The following SPOP variants were observed in gnomAD, a reference collection of about 807,000 sequenced individuals.
The protein encoded by SPOP is speckle type BTB/POZ protein, also known as speckle-type POZ protein.
Under a neutral mutation model 45.6 loss-of-function variants are expected in SPOP, and 11 were observed. The ratio of observed to expected loss-of-function variants is 0.24; its 90% confidence interval spans 0.15 to 0.40. SPOP has a LOEUF of 0.40. SPOP is among the 10% of genes least tolerant of loss of function. The pLI is 1.00. For missense variants in SPOP, 152 were observed against 465.6 expected, an observed-to-expected ratio of 0.33 and a Z score of 6.20; for synonymous variants, 166 against 166.3, an observed-to-expected ratio of 1.00 and a Z score of 0.01.
At chr17:49,601,711 A>C in intron 9 of SPOP, 154 bp downstream of exon 9, 1 of 927,230 alleles carries the variant, frequency 1.1e-6, no homozygotes, top group Non-Finnish European at 1.6e-6. Context: ...AGTCAATTCC[A>C]TACGGTCAAC....
intron 1 of SPOP, 137 bp downstream of exon 1, chr17:49,677,796 G>A: frequency 2.6e-6 from 1 of 388,552 alleles, no homozygotes. Context: ...TCCGGGTGTA[G>A]GAAATGGGAC....
chr17:49,600,095 G>C lies in SPOP; in HGVS notation c.*283C>G. The C allele has an allele frequency of 2.5e-6, 1 of 407,016 alleles. No homozygotes were observed. Among genetic ancestry groups the C allele is most frequent in the East Asian group, 3.7e-5 (1 of 27,228 alleles). 25.2% of individuals were successfully genotyped at this position (407,016 alleles called of 1,614,324 possible). A position where few individuals can be genotyped will look rare whatever the true frequency, so the allele number is the denominator to read the frequency against. On this transcript the variant is annotated 3_prime_UTR_variant, in exon 10 of 10. Transcript: ENST00000504102. The surrounding 1 kb of genome is among the most constrained non-coding windows in gnomAD (Gnocchi z 4.2). ...GGTGTCTCCGAAGTACCACCGCTGGGATATCCTCGGGCCAGCGCCTAAACT... is the reference window on the plus strand; with the variant it reads ...GGTGTCTCCGAAGTACCACCGCTGGCATATCCTCGGGCCAGCGCCTAAACT...
intron 9 of SPOP, chr17:49,601,092 A>C (rs543370702): frequency 1.3e-5 from 2 of 153,146 alleles, no homozygotes; most frequent in African/African-American, 4.8e-5. Flanking sequence ...TTAGAAAATA[A>C]TTCTACAACT....
chr17:49,639,268 G>T (rs2072602149), intron 1 of SPOP, among the ~76,000 whole-genome samples: 1 of 151,786 alleles, frequency 6.6e-6, no homozygotes, highest in Non-Finnish European at 1.5e-5. Context: ...AAAATTTAAA[G>T]CATCTGACAA....
At chr17:49,646,828 A>G (rs2072766542) in intron 1 of SPOP, among the ~76,000 whole-genome samples, 1 of 152,318 alleles carries the variant, frequency 6.6e-6, no homozygotes, top group African/African-American at 2.4e-5. Flanking sequence ...TAGAACACAA[A>G]GTCTTTTAAC....
intron 1 of SPOP, among the ~76,000 whole-genome samples, chr17:49,630,591 C>T (rs932232928): frequency 9.4e-6 from 1 of 106,624 alleles, no homozygotes; most frequent in Non-Finnish European, 1.9e-5. Context: ...ATTAAAGATG[C>T]CTGTTTTTTT....
At chr17:49,660,349 T>C (rs1363259892) in intron 1 of SPOP, among the ~76,000 whole-genome samples, 2 of 152,228 alleles carry the variant, frequency 1.3e-5, no homozygotes, top group Admixed American at 1.3e-4. Context: ...GCATTACCTT[T>C]GATGTGAGTT....
At chr17:49,646,127 A>G (rs568698998) in intron 1 of SPOP, 1 of 152,330 alleles carries the variant, frequency 6.6e-6, no homozygotes, top group East Asian at 1.9e-4. Context: ...TGTACATTTT[A>G]TCATCTTTAT....
chr17:49,637,687 C>T (rs2072567942), intron 1 of SPOP, among the ~76,000 whole-genome samples: 1 of 152,100 alleles, frequency 6.6e-6, no homozygotes, highest in African/African-American at 2.4e-5. Context: ...CCTATGAGTG[C>T]AGCAAAAATG....
At chr17:49,602,057 G>T in intron 8 of SPOP, 50 bp from the exon 9 acceptor site, 1 of 1,594,952 alleles carries the variant, frequency 6.3e-7, no homozygotes, top group Non-Finnish European at 8.6e-7. Context: ...GTTCTGGGCT[G>T]ACCACTACTG....
At chr17:49,655,782 C>A (rs2072901386) in intron 1 of SPOP, among the ~76,000 whole-genome samples, 1 of 152,182 alleles carries the variant, frequency 6.6e-6, no homozygotes, top group Non-Finnish European at 1.5e-5. Flanking sequence ...TCTAACAGCT[C>A]AGTCTTAGCC....
intron 1 of SPOP, among the ~76,000 whole-genome samples, chr17:49,625,540 G>A (rs2072311557): frequency 2.0e-5 from 3 of 152,184 alleles, no homozygotes; most frequent in South Asian, 2.1e-4. Context: ...CCTGGGAGGC[G>A]GAGGTTGTGG....
At chr17:49,606,031 C>T (rs150281822) in intron 8 of SPOP, among the ~76,000 whole-genome samples, 11 of 151,768 alleles carry the variant, frequency 7.2e-5, no homozygotes, top group Non-Finnish European at 1.0e-4. Flanking sequence ...GGCAGTATTT[C>T]CCTGTATCTT....
chr17:49,634,297 C>G (rs959881508), intron 1 of SPOP, among the ~76,000 whole-genome samples: 1 of 152,112 alleles, frequency 6.6e-6, no homozygotes, highest in African/African-American at 2.4e-5. Flanking sequence ...TCTAGGGCCA[C>G]AAAGAGTGAA....
chr17:49,648,427 T>G (rs1395251460), intron 1 of SPOP, among the ~76,000 whole-genome samples: 2 of 152,228 alleles, frequency 1.3e-5, no homozygotes, highest in Non-Finnish European at 2.9e-5. Flanking sequence ...CAAGATTGTT[T>G]CCATCTTAGG....
At position 49,607,088 on chromosome 17, in the gene SPOP, C is replaced by T. The variant is rs531737486; in HGVS notation, c.837+162G>A. On this transcript the variant is annotated intron_variant, in intron 8 of 9. Coordinates refer to ENST00000504102, the MANE Select transcript of SPOP (RefSeq NM_001007228.2). ...GACACTTTTGAGAATAAAAAGTGTG[C>T]TATTAATAATTGTGTTGGAATAATA... is the stretch of plus-strand genomic sequence containing the variant. 2.1e-5 allele frequency: 15 copies of T among 729,026 alleles called. No individual in the cohort carries two copies. In the African/African-American group the frequency reaches 2.5e-4, roughly 12 times the overall value. The allele number at this position is 729,026 out of a possible 1,614,324, so 45.2% of individuals were successfully genotyped here.
Position 49,650,774 on chromosome 17 carries a change from T to C in SPOP, c.-67+27159A>G, listed in dbSNP as rs567166381. 1.8e-4 allele frequency among the ~76,000 whole-genome samples: 28 copies of C among 152,360 alleles called. No individual in the cohort carries two copies. In the East Asian group the frequency reaches 5.2e-3, roughly 28 times the overall value. ...GACTAAGCTGATTTGAATAAAGTGA[T>C]GGAAGTTCTAAATACTCTTTGTGGG... On this transcript the variant is annotated intron_variant, in intron 1 of 9. Transcript: ENST00000504102.
At chr17:49,662,992 A>C (rs933578232) in intron 1 of SPOP, among the ~76,000 whole-genome samples, 12 of 152,198 alleles carry the variant, frequency 7.9e-5, no homozygotes, top group Non-Finnish European at 1.3e-4. Context: ...CAATACCAAG[A>C]AATTGTTTGC....
intron 1 of SPOP, chr17:49,646,099 A>T (rs2072754121): frequency 6.6e-6 from 1 of 152,180 alleles, no homozygotes; most frequent in Non-Finnish European, 1.5e-5. Context: ...CAAATAAGAG[A>T]GCAAAATCAA....
Sources: allele counts gnomAD v4.1 joint callset (sites outside exome capture counted in the v4.1 genomes callset), GRCh38; gene constraint gnomAD v4.1.1; non-coding constraint Gnocchi (gnomAD v3.1); transcripts MANE v1.5; gene names NCBI Gene and HGNC (gene_info 2026-07-23, HGNC 2026-07-21).